Variants in PDZK1 observed in about 807,000 individuals in gnomAD.
PDZK1 encodes PDZ domain containing 1.
Under a neutral mutation model 38.1 loss-of-function variants are expected in PDZK1, and 23 were observed. That is an observed-to-expected ratio of 0.60 (90% CI 0.43 to 0.85). PDZK1 has a LOEUF of 0.85. Among genes scored for constraint, PDZK1 ranks in the 40% least tolerant of loss-of-function variants. PDZK1 has a pLI of 0.00. For synonymous variants in PDZK1, 98 were observed against 186.2 expected (o/e 0.53, Z 3.86); for missense variants, 297 against 504.3 (o/e 0.59, Z 3.94).
intron 1 of PDZK1, among the ~76,000 whole-genome samples, chr1:145,702,380 C>G (rs1170156554): frequency 6.6e-6 from 1 of 152,102 alleles, no homozygotes; most frequent in Non-Finnish European, 1.5e-5. Flanking sequence ...AGAGAGGACA[C>G]CCTCATGCTG....
chr1:145,701,415 T>C (rs1267631958), intron 1 of PDZK1, among the ~76,000 whole-genome samples: 1 of 151,852 alleles, frequency 6.6e-6, no homozygotes, highest in African/African-American at 2.4e-5. Context: ...ACTCCATGCT[T>C]GCCTATAAAA....
rs150069179 is a variant in PDZK1, at chr1:145,682,594, A to T, written c.503T>A (p.Val168Glu). 6.2e-6 allele frequency: 10 copies of T among 1,611,654 alleles called. No homozygotes were observed. The highest frequency in any genetic ancestry group is 7.6e-6 in the Non-Finnish European group (9 of 1,179,808). ...AGCCAGAACTCCAGCTCTCATAGCC[A>T]CACCTTGAGGTGTAATATCAGTCAT... is the stretch of plus-strand genomic sequence containing the variant. The part of the protein sequence containing the change: ...VYMTDITPQG[V>E]AMRAGVLADD... The change falls in exon 4 of 9, where the codon GTG becomes GAG. Residue 168 changes from valine to glutamate, a missense_variant. Val to Glu is a moderately radical substitution (Grantham distance 121, BLOSUM62 -2). Around this residue, in one of 5 missense-constraint regions of PDZK1, gnomAD observed 159 missense variants for 200.0 expected, o/e 0.79. Coordinates refer to ENST00000417171, the MANE Select transcript of PDZK1 (RefSeq NM_001201325.2).
At chr1:145,704,335 T>C (rs1174632708) in intron 1 of PDZK1, among the ~76,000 whole-genome samples, 1 of 152,206 alleles carries the variant, frequency 6.6e-6, no homozygotes, top group Non-Finnish European at 1.5e-5. Flanking sequence ...CAGAAACCAG[T>C]GACCACCTCA....
In PDZK1 at chr1:145,672,794, G is replaced by A. The variant is rs1653218968; in HGVS notation, c.1442C>T (p.Pro481Leu). 6.2e-7 allele frequency: 1 copy of A among 1,611,788 alleles called. No homozygotes were observed. ...CACTATTCCTTCTTTAGAATCTGGAGGGGTGTCAAGTGGATCAGCCAGGGA... is the reference window on the plus strand; with the variant it reads ...CACTATTCCTTCTTTAGAATCTGGAAGGGTGTCAAGTGGATCAGCCAGGGA... ...VSSLADPLDTPPDSKEGIVVE... is the reference protein window; with the variant it reads ...VSSLADPLDTLPDSKEGIVVE... The change falls in exon 8 of 9, where the codon CCT becomes CTT. Residue 481 changes from proline (P) to leucine (L), a missense_variant. Coordinates refer to ENST00000417171, the MANE Select transcript of PDZK1 (RefSeq NM_001201325.2).
intron 5 of PDZK1, among the ~76,000 whole-genome samples, chr1:145,679,168 CTTTTT>C (rs58403818): frequency 7.3e-6 from 1 of 137,032 alleles, no homozygotes. Flanking sequence ...CAGATGCTGC[CTTTTT>C]TTTTTTTTTT....
At chr1:145,704,731 G>T (rs1307085847) in intron 1 of PDZK1, among the ~76,000 whole-genome samples, 1 of 152,198 alleles carries the variant, frequency 6.6e-6, no homozygotes, top group Non-Finnish European at 1.5e-5. Flanking sequence ...CTGAGATCTT[G>T]AGGAAAACAC....
chr1:145,676,992 C>T (rs1395524342), intron 6 of PDZK1, among the ~76,000 whole-genome samples: 5 of 152,182 alleles, frequency 3.3e-5, no homozygotes, highest in East Asian at 1.9e-4. Flanking sequence ...AGCCACCCTT[C>T]GCTGTAGCTA....
intron 1 of PDZK1, among the ~76,000 whole-genome samples, chr1:145,693,544 G>A (rs1655409622): frequency 6.6e-6 from 1 of 151,380 alleles, no homozygotes; most frequent in Non-Finnish European, 1.5e-5. Context: ...CGAGGCCGAG[G>A]CAGGCAGATC....
chr1:145,690,455 G>A (rs1478506678), intron 1 of PDZK1, among the ~76,000 whole-genome samples: 16 of 152,186 alleles, frequency 1.1e-4, no homozygotes, highest in Non-Finnish European at 1.9e-4. Context: ...TATTTGCTGT[G>A]AAGAAAATAA....
chr1:145,672,796 G>T lies in PDZK1; in HGVS notation c.1440C>A (p.Thr480=). Residue 480 remains threonine (T), a synonymous_variant, in exon 8 of 9, where the codon ACC becomes ACA. Transcript: ENST00000417171. ...IVSSLADPLD[T]PPDSKEGIVV... The stretch of plus-strand genomic sequence containing the variant: ...CTATTCCTTCTTTAGAATCTGGAGG[G>T]GTGTCAAGTGGATCAGCCAGGGAGG... 6.2e-7 allele frequency: 1 copy of T among 1,611,802 alleles called. No homozygotes were observed. The highest frequency in any genetic ancestry group is 8.5e-7 in the Non-Finnish European group (1 of 1,179,776).
chr1:145,691,092 C>T (rs1185722894), intron 1 of PDZK1, among the ~76,000 whole-genome samples: 1 of 152,178 alleles, frequency 6.6e-6, no homozygotes, highest in African/African-American at 2.4e-5. Flanking sequence ...GTGTACTCCC[C>T]ACCACACAGC....
intron 8 of PDZK1, among the ~76,000 whole-genome samples, chr1:145,672,478 T>C (rs1362331563): frequency 6.6e-6 from 1 of 150,944 alleles, no homozygotes; most frequent in Non-Finnish European, 1.5e-5. Context: ...ATTACAATAC[T>C]GATAAACTTT....
intron 1 of PDZK1, among the ~76,000 whole-genome samples, chr1:145,700,664 T>C: frequency 6.6e-6 from 1 of 152,128 alleles, no homozygotes; most frequent in Non-Finnish European, 1.5e-5. Flanking sequence ...CCAGATGCAA[T>C]GAAATACCAT....
At chr1:145,681,144 C>A (rs1654203596) in intron 4 of PDZK1, 37 bp from the exon 5 acceptor site, 1 of 457,714 alleles carries the variant, frequency 2.2e-6, no homozygotes, top group Non-Finnish European at 3.8e-6. Flanking sequence ...TGACATCAAC[C>A]CCCAAGAACA....
At chr1:145,679,016 T>C (rs1163420203) in intron 5 of PDZK1, among the ~76,000 whole-genome samples, 1 of 151,604 alleles carries the variant, frequency 6.6e-6, no homozygotes, top group Non-Finnish European at 1.5e-5. Flanking sequence ...TCATAAAAGA[T>C]GGGGAAGAAT....
rs1275724897 is a variant in PDZK1 at position 145,703,826 on chromosome 1, C to CT, written c.-3+3490dup. 1.0e-3 allele frequency among the ~76,000 whole-genome samples: 146 copies of CT among 144,598 alleles called. 1 individual carries two copies. Among genetic ancestry groups the CT allele is most frequent in the African/African-American group, 2.2e-3 (87 of 39,616 alleles). The allele number at this position is 144,598 out of a possible 152,430, so 94.9% of individuals were successfully genotyped here. On this transcript the variant is annotated intron_variant, in intron 1 of 8. Transcript: ENST00000417171. Reference sequence around the variant, plus strand: ...TGTCGTGTGTCCCCAACAAGATAAGCTTTTTTTTTTTGGCCAGGAGGGATG... The same window carrying CT: ...TGTCGTGTGTCCCCAACAAGATAAGCTTTTTTTTTTTTGGCCAGGAGGGATG...
chr1:145,692,774 C>T (rs1211136568), intron 1 of PDZK1, among the ~76,000 whole-genome samples: 4 of 151,640 alleles, frequency 2.6e-5, no homozygotes, highest in Admixed American at 6.6e-5. Flanking sequence ...GTGGCTCACG[C>T]CTGTAATTCC....
intron 3 of PDZK1, among the ~76,000 whole-genome samples, chr1:145,685,981 G>C (rs1361731324): frequency 6.6e-6 from 1 of 152,128 alleles, no homozygotes; most frequent in Non-Finnish European, 1.5e-5. Flanking sequence ...TCTCAGCAAA[G>C]GTAACAGTGC....
chr1:145,680,636 G>A (rs1398613227), intron 5 of PDZK1, among the ~76,000 whole-genome samples: 7 of 151,672 alleles, frequency 4.6e-5, no homozygotes, highest in South Asian at 2.1e-4. Context: ...AAAAACAAAC[G>A]CTACCAATTT....
Sources: gnomAD v4.1 joint callset for allele counts (sites outside exome capture counted in the v4.1 genomes callset) on GRCh38, gnomAD v4.1.1 for gene constraint, gnomAD v4.1.1 regional missense constraint, MANE v1.5 for transcripts, NCBI Gene and HGNC (gene_info 2026-07-23, HGNC 2026-07-21) for gene names.